The following ANKS1B variants were observed in gnomAD, a reference collection of about 807,000 sequenced individuals.
The protein encoded by ANKS1B is ankyrin repeat and sterile alpha motif domain-containing protein 1B.
In ANKS1B, 36 loss-of-function variants were observed where a neutral mutation model predicts 148.3. The observed-to-expected ratio is 0.24, with a 90% confidence interval of 0.19 to 0.32. The LOEUF is 0.32. ANKS1B is among the 10% of genes least tolerant of loss of function. ANKS1B has a pLI of 1.00. For synonymous variants in ANKS1B, 542 were observed against 560.8 expected (o/e 0.97, Z 0.47); for missense variants, 1,157 against 1,542.6 (o/e 0.75, Z 4.19).
intron 1 of ANKS1B, among the ~76,000 whole-genome samples, chr12:99,900,505 C>CAAAAA (rs71303560): frequency 1.4e-5 from 1 of 70,716 alleles, no homozygotes; most frequent in African/African-American, 4.0e-5. Context: ...GACTCCATCT[C>CAAAAA]AAAAAAAAAA....
intron 16 of ANKS1B, 150 bp downstream of exon 16, chr12:99,084,775 C>A: frequency 3.3e-6 from 2 of 602,410 alleles, no homozygotes; most frequent in South Asian, 2.4e-5. Context: ...TCTCATAAGT[C>A]TGAATGTGCA....
chr12:98,798,899 C>G, intron 22 of ANKS1B, 35 bp downstream of exon 22: 1 of 1,573,902 alleles, frequency 6.4e-7, no homozygotes. Context: ...TTTAGTATTT[C>G]AGCTACTAGA....
chr12:99,001,888 A>G (rs902952931), intron 17 of ANKS1B, among the ~76,000 whole-genome samples: 4 of 152,232 alleles, frequency 2.6e-5, no homozygotes, highest in African/African-American at 9.6e-5. Flanking sequence ...ACATATAAGT[A>G]GAATCAGACA....
At chr12:99,395,955 A>G (rs897826793) in intron 12 of ANKS1B, among the ~76,000 whole-genome samples, 5 of 152,182 alleles carry the variant, frequency 3.3e-5, no homozygotes, top group African/African-American at 1.2e-4. Flanking sequence ...AAGTCAAGAA[A>G]AGGTCAGCTA....
At chr12:98,825,805 A>T (rs990555738) in intron 19 of ANKS1B, among the ~76,000 whole-genome samples, 2 of 152,176 alleles carry the variant, frequency 1.3e-5, no homozygotes, top group Non-Finnish European at 2.9e-5. Flanking sequence ...AAATACTGAA[A>T]ATATTTTCCT....
chr12:98,971,780 T>C (rs181864535), intron 17 of ANKS1B, among the ~76,000 whole-genome samples: 1 of 152,324 alleles, frequency 6.6e-6, no homozygotes, highest in East Asian at 1.9e-4. Flanking sequence ...CAAGCCATCA[T>C]GGAGTGTGGG....
At chr12:99,355,382 T>C (rs1358927460) in intron 12 of ANKS1B, among the ~76,000 whole-genome samples, 1 of 152,196 alleles carries the variant, frequency 6.6e-6, no homozygotes, top group Non-Finnish European at 1.5e-5. Flanking sequence ...TGCAGTCTTA[T>C]TCATTGTTTT....
chr12:99,795,032 A>T (rs531043345), intron 4 of ANKS1B, among the ~76,000 whole-genome samples: 267 of 152,004 alleles, frequency 1.8e-3, no homozygotes, highest in South Asian at 4.1e-3. Context: ...AAAGAAGGTA[A>T]AAAAGAAATA....
intron 17 of ANKS1B, among the ~76,000 whole-genome samples, chr12:98,886,909 C>T (rs1309462321): frequency 6.6e-6 from 1 of 151,840 alleles, no homozygotes; most frequent in East Asian, 1.9e-4. Flanking sequence ...TAAAACAAAA[C>T]AAAAAACTCA....
rs1491097554 is a variant in ANKS1B, at chr12:99,139,439, T to TTTCTTTCTTTCTTTC, written c.2526+14849_2526+14850insGAAAGAAAGAAAGAA. On this transcript the variant is annotated intron_variant, in intron 15 of 26. Coordinates refer to ENST00000683438, the MANE Select transcript of ANKS1B (RefSeq NM_001352186.2). ...CTTTCTTTCTTTCTTTCTTTCTTTC[T>TTTCTTTCTTTCTTTC]TTTTCTTTCTTTCTTTCTTTCAAGA... 2.0e-3 allele frequency among the ~76,000 whole-genome samples: 7 copies of TTTCTTTCTTTCTTTC among 3,522 alleles called. 3 individuals are homozygous for TTTCTTTCTTTCTTTC. Among genetic ancestry groups the TTTCTTTCTTTCTTTC allele is most frequent in the Non-Finnish European group, 2.5e-3 (7 of 2,846 alleles). 2.3% of individuals were successfully genotyped at this position (3,522 alleles called of 152,430 possible).
intron 22 of ANKS1B, among the ~76,000 whole-genome samples, chr12:98,790,464 G>T (rs1380545838): frequency 6.6e-6 from 1 of 152,162 alleles, no homozygotes; most frequent in African/African-American, 2.4e-5. Context: ...AACATCAACA[G>T]ATTTTAGCTA....
At chr12:99,520,736 C>A (rs778829580) in intron 9 of ANKS1B, among the ~76,000 whole-genome samples, 1 of 151,942 alleles carries the variant, frequency 6.6e-6, no homozygotes, top group African/African-American at 2.4e-5. Flanking sequence ...CCTGTAGTTG[C>A]GCTTTATTGT....
At chr12:99,287,704 G>T (rs899204191) in intron 12 of ANKS1B, among the ~76,000 whole-genome samples, 2 of 152,066 alleles carry the variant, frequency 1.3e-5, no homozygotes, top group Non-Finnish European at 2.9e-5. Flanking sequence ...TTTTAACAAA[G>T]ATATTGAAAT....
intron 15 of ANKS1B, among the ~76,000 whole-genome samples, chr12:99,125,137 C>T (rs189539865): frequency 1.3e-5 from 2 of 152,094 alleles, no homozygotes; most frequent in African/African-American, 2.4e-5. Flanking sequence ...TGAGGATAAT[C>T]GACAGAGAGG....
At chr12:99,582,672 G>A (rs529810556) in intron 9 of ANKS1B, among the ~76,000 whole-genome samples, 1 of 152,230 alleles carries the variant, frequency 6.6e-6, no homozygotes, top group African/African-American at 2.4e-5. Context: ...ATCAAAGATT[G>A]CTTAAGTCAA....
chr12:99,766,982 C>G (rs939885992), intron 8 of ANKS1B, among the ~76,000 whole-genome samples: 9 of 152,114 alleles, frequency 5.9e-5, no homozygotes, highest in African/African-American at 2.2e-4. Flanking sequence ...TTTAGGCAAT[C>G]TAATCTGACT....
chr12:99,687,044 C>T (rs969164928), intron 8 of ANKS1B, among the ~76,000 whole-genome samples: 1 of 152,100 alleles, frequency 6.6e-6, no homozygotes, highest in Non-Finnish European at 1.5e-5. Flanking sequence ...TGAATTCTGT[C>T]TGTGTTTGTC....
intron 17 of ANKS1B, among the ~76,000 whole-genome samples, chr12:99,000,482 T>C (rs1487658248): frequency 1.3e-5 from 2 of 152,156 alleles, no homozygotes; most frequent in African/African-American, 4.8e-5. Context: ...TTGGCCAGGC[T>C]GGTCTAGAAC....
At chr12:99,912,093 G>A (rs1229109440) in intron 1 of ANKS1B, among the ~76,000 whole-genome samples, 2 of 152,216 alleles carry the variant, frequency 1.3e-5, no homozygotes, top group Non-Finnish European at 2.9e-5. Flanking sequence ...CTCCACCAAA[G>A]GCGTGCAAGG....
Sources: gnomAD v4.1 joint callset for allele counts (sites outside exome capture counted in the v4.1 genomes callset) on GRCh38, gnomAD v4.1.1 for gene constraint, MANE v1.5 for transcripts, NCBI Gene and HGNC (gene_info 2026-07-23, HGNC 2026-07-21) for gene names.